The following AGRN variants were observed in gnomAD, a reference collection of about 807,000 sequenced individuals.
The protein encoded by AGRN is agrin proteoglycan.
Under a neutral mutation model 211.0 loss-of-function variants are expected in AGRN, and 106 were observed. The ratio of observed to expected loss-of-function variants is 0.50; its 90% CI spans 0.43 to 0.59. The LOEUF (loss-of-function observed/expected upper bound fraction) is 0.59, where lower values mean the gene tolerates loss of function less well. AGRN is among the 20% of genes least tolerant of loss of function. AGRN has a pLI of 0.00. For synonymous variants in AGRN, 1,525 were observed against 1,332.5 expected, an observed-to-expected ratio of 1.14 and a Z score of -3.15; for missense variants, 3,040 against 2,982.6, an observed-to-expected ratio of 1.02 and a Z score of -0.45.
chr1:1,051,255 T>G lies in AGRN; in HGVS notation c.5256T>G (p.Val1752=), dbSNP rs778962962. The G allele has an allele frequency of 3.2e-6, 5 of 1,582,196 alleles. No homozygotes were observed. Among genetic ancestry groups the G allele is most frequent in the Non-Finnish European group, 4.3e-6 (5 of 1,165,492 alleles). The change falls in exon 31 of 36, where the codon GTT becomes GTG. Residue 1752 remains valine (V), a splice_region_variant and synonymous_variant. Transcript: ENST00000379370. ...DGPRVLGESP[V]PHTVLNLKEP... Reference sequence around the variant, plus strand: ...CCACTTACCTGGCGTCCCCGCAGGTTCCGCACACCGTCCTCAACCTGAAGG... The same window carrying G: ...CCACTTACCTGGCGTCCCCGCAGGTGCCGCACACCGTCCTCAACCTGAAGG...
chr1:1,023,879 C>T (rs544045505), intron 2 of AGRN, among the ~76,000 whole-genome samples: 1 of 152,310 alleles, frequency 6.6e-6, no homozygotes, highest in Non-Finnish European at 1.5e-5. Flanking sequence ...GTGGGTGTGG[C>T]TTAGCCCAGC....
At position 1,045,816 on chromosome 1, in the gene AGRN, G is replaced by A; in HGVS notation, c.2620G>A (p.Gly874Arg). The A allele has an allele frequency of 6.2e-7, 1 of 1,612,888 alleles. No homozygotes were observed. Among genetic ancestry groups the A allele is most frequent in the Non-Finnish European group, 8.5e-7 (1 of 1,179,918 alleles). ...GTGCTCGTGTAAGCCCGGGGTGGCT[G>A]GACCCAAGTGTGGGCAGTGTCCAGA... Reference protein sequence around the residue: ...GLCSCKPGVAGPKCGQCPDGR... With the variant: ...GLCSCKPGVARPKCGQCPDGR... Residue 874 changes from glycine to arginine, a missense_variant, in exon 15 of 36, where the codon GGA becomes AGA. Around this residue, in one of 3 missense-constraint regions of AGRN, gnomAD observed 1,498 missense variants for 1,457.8 expected, o/e 1.03. Coordinates refer to ENST00000379370, the MANE Select transcript of AGRN (RefSeq NM_198576.4).
At chr1:1,053,211 C>T (rs1645359322) in intron 33 of AGRN, 1 of 304,780 alleles carries the variant, frequency 3.3e-6, no homozygotes, top group East Asian at 9.1e-5. Flanking sequence ...ACGTGGGTGT[C>T]TGCATGTGGG....
chr1:1,023,653 A>G (rs1349587182), intron 2 of AGRN, among the ~76,000 whole-genome samples: 2 of 152,170 alleles, frequency 1.3e-5, no homozygotes, highest in African/African-American at 4.8e-5. Flanking sequence ...GGGGGTCACT[A>G]ACCCCACAGC....
chr1:1,039,441 A>G (rs965242895), intron 3 of AGRN, among the ~76,000 whole-genome samples: 13 of 151,320 alleles, frequency 8.6e-5, no homozygotes, highest in Non-Finnish European at 1.6e-4. Context: ...CCATTTCACG[A>G]GCCTGCTGGG....
rs1407372358 is a variant in AGRN, at chr1:1,050,548, C to T, written c.5098C>T (p.Leu1700=). The T allele has an allele frequency of 1.9e-6, 3 of 1,612,598 alleles. No individual in the cohort carries two copies. The highest frequency in any genetic ancestry group is 1.7e-6 in the Non-Finnish European group (2 of 1,179,790). The change falls in exon 29 of 36, where the codon CTG becomes TTG. Residue 1700 remains leucine (L), a synonymous_variant. Transcript: ENST00000379370. ...FVSLALRDRR[L]EFRYDLGKGA... is the part of the protein sequence containing the mutation. Reference sequence around the variant, plus strand: ...GTCGCTGGCACTGCGGGACCGCCGCCTGGAGTTCCGCTACGACCTGGGCAA... The same window carrying T: ...GTCGCTGGCACTGCGGGACCGCCGCTTGGAGTTCCGCTACGACCTGGGCAA...
chr1:1,024,026 C>T (rs1214304770), intron 2 of AGRN, among the ~76,000 whole-genome samples: 3 of 152,084 alleles, frequency 2.0e-5, no homozygotes, highest in African/African-American at 7.2e-5. Flanking sequence ...GAGGGTTAGC[C>T]AGGGAGGACT....
At chr1:1,023,684 G>A (rs1261593140) in intron 2 of AGRN, among the ~76,000 whole-genome samples, 1 of 152,190 alleles carries the variant, frequency 6.6e-6, no homozygotes, top group African/African-American at 2.4e-5. Flanking sequence ...CAGCCCGAGA[G>A]TCCGTGACTT....
In AGRN at chr1:1,046,472, C is replaced by A. The variant is rs148475305; in HGVS notation, c.2987C>A (p.Ala996Glu). Residue 996 changes from alanine to glutamate, a missense_variant, in exon 18 of 36, where the codon GCA (alanine) becomes GAA (glutamate). Ala to Glu is a moderately radical substitution (Grantham distance 107). Transcript: ENST00000379370. ...ACCCCAGGGCTCCTCCTGAGCCAGGCACTGCCGGCCCCCCCCGGCGCCCTC... is the reference window on the plus strand; with the variant it reads ...ACCCCAGGGCTCCTCCTGAGCCAGGAACTGCCGGCCCCCCCCGGCGCCCTC... ...VTTPGLLLSQ[A>E]LPAPPGALPL... The A allele has an allele frequency of 1.0e-3, 1,690 of 1,611,870 alleles. 2 individuals carry two copies. Among genetic ancestry groups the A allele is most frequent in the Non-Finnish European group, 1.4e-3 (1,615 of 1,179,528 alleles).
rs1028610040 is a variant in AGRN, at chr1:1,054,934, G to A, written c.6091G>A (p.Glu2031Lys). Residue 2031 changes from glutamate (E) to lysine (K), a missense_variant, in exon 36 of 36, where the codon GAG (glutamate) becomes AAG (lysine). By Grantham distance (56) the Glu-to-Lys change is moderately conservative. Around this residue, in one of 3 missense-constraint regions of AGRN, gnomAD observed 1,537 missense variants for 1,505.0 expected, o/e 1.02. Coordinates refer to ENST00000379370, the MANE Select transcript of AGRN (RefSeq NM_198576.4). ...GGGCCGGCACCCGCTGCACCTGCTG[G>A]AGGACGCCGTCACCAAGCCAGAGCT... Reference protein sequence around the residue: ...VVGRHPLHLLEDAVTKPELRP... With the variant: ...VVGRHPLHLLKDAVTKPELRP... 3.2e-6 allele frequency: 5 copies of A among 1,548,992 alleles called. No individual in the cohort carries two copies. The Admixed American group carries it at 7.8e-5, about 24-fold the overall frequency.
At chr1:1,023,252 G>A (rs976470654) in intron 2 of AGRN, among the ~76,000 whole-genome samples, 16 of 152,232 alleles carry the variant, frequency 1.1e-4, no homozygotes, top group Non-Finnish European at 2.2e-4. Context: ...TGGCCGGCAG[G>A]AAACTTTGCT....
At position 1,050,040 on chromosome 1, in the gene AGRN, C is replaced by G; in HGVS notation, c.4879+3C>G. On this transcript the variant is annotated splice_donor_region_variant and intron_variant, in intron 27 of 35. Transcript: ENST00000379370. ...TGAGGGCACCTTCTGCCAGACAGGT[C>G]GGGGGCGTGGGGCTCTCGGGGCAGG... 3 of 633,444 alleles carry G rather than the reference C, an allele frequency of 4.7e-6. No homozygotes were observed. The highest frequency in any genetic ancestry group is 7.8e-6 in the Non-Finnish European group (3 of 384,132). 39.2% of individuals were successfully genotyped at this position (633,444 alleles called of 1,614,324 possible). A position where few individuals can be genotyped will look rare whatever the true frequency, so the allele number is the denominator to read the frequency against.
intron 1 of AGRN, among the ~76,000 whole-genome samples, chr1:1,021,083 G>A (rs570502179): frequency 1.8e-4 from 28 of 152,266 alleles, no homozygotes; most frequent in Admixed American, 9.1e-4. Flanking sequence ...GCCGGCGCCC[G>A]TGTACCCCCA....
rs1156556211 is a variant in AGRN, at chr1:1,031,588, C to G, written c.464-3689C>G. On this transcript the variant is annotated intron_variant, in intron 2 of 35. Transcript: ENST00000379370. The surrounding 1 kb of genome is among the most constrained non-coding windows in gnomAD (Gnocchi z 4.8). ...CTGGCCCAGCCCAAGGGGCCCTAAGCCTCATTCCAGTGTCGGCCTGGGGCA... is the reference window on the plus strand; with the variant it reads ...CTGGCCCAGCCCAAGGGGCCCTAAGGCTCATTCCAGTGTCGGCCTGGGGCA... Among the ~76,000 whole-genome samples, 1 of 152,202 alleles carries G rather than the reference C, an allele frequency of 6.6e-6. No homozygotes were observed. Among genetic ancestry groups the G allele is most frequent in the African/African-American group, 2.4e-5 (1 of 41,436 alleles).
intron 3 of AGRN, among the ~76,000 whole-genome samples, 186 bp downstream of exon 3, chr1:1,035,510 G>A (rs1644782637): frequency 6.6e-6 from 1 of 152,214 alleles, no homozygotes; most frequent in Non-Finnish European, 1.5e-5. Flanking sequence ...GGGTCTAGAG[G>A]CCGCCGCCTG....
intron 33 of AGRN, 48 bp from the exon 34 acceptor site, chr1:1,053,705 T>C: frequency 6.5e-7 from 1 of 1,536,510 alleles, no homozygotes; most frequent in Non-Finnish European, 8.8e-7. Context: ...CCCCACCCTG[T>C]CCTGTTGCCA....
intron 30 of AGRN, 54 bp from the exon 31 acceptor site, chr1:1,051,199 T>C: frequency 6.5e-7 from 1 of 1,548,498 alleles, no homozygotes; most frequent in Non-Finnish European, 8.7e-7. Context: ...GCCTGGGCCC[T>C]GGGTCTGCAC....
Position 1,051,556 on chromosome 1 carries a change from C to G in AGRN, c.5474C>G (p.Pro1825Arg). The G allele has an allele frequency of 6.3e-7, 1 of 1,582,378 alleles. No homozygotes were observed. The highest frequency in any genetic ancestry group is 8.6e-7 in the Non-Finnish European group (1 of 1,163,354). ...GHPCTRASGH[P>R]CLNGASCVPR... is the part of the protein sequence containing the mutation. Reference sequence around the variant, plus strand: ...CCCTGCACCCGGGCCTCAGGCCACCCCTGCCTCAATGGGGCCTCCTGCGTC... The same window carrying G: ...CCCTGCACCCGGGCCTCAGGCCACCGCTGCCTCAATGGGGCCTCCTGCGTC... Residue 1825 changes from proline to arginine, a missense_variant, in exon 32 of 36, where the codon CCC becomes CGC. Physicochemically the swap from Pro to Arg is moderately radical, Grantham distance 103 (BLOSUM62 -2). Transcript: ENST00000379370.
intron 2 of AGRN, among the ~76,000 whole-genome samples, chr1:1,025,970 C>T (rs3121555): frequency 0.31 from 47,850 of 151,924 alleles, 7,887 homozygotes; most frequent in Non-Finnish European, 0.35. Flanking sequence ...CCTGGGCTTG[C>T]CCCTGCCTTG....
Sources: gnomAD v4.1 joint callset for allele counts (sites outside exome capture counted in the v4.1 genomes callset) on GRCh38, gnomAD v4.1.1 for gene constraint, gnomAD v4.1.1 regional missense constraint, Gnocchi (gnomAD v3.1) non-coding constraint, MANE v1.5 for transcripts, NCBI Gene and HGNC (gene_info 2026-07-23, HGNC 2026-07-21) for gene names.